Variants in EYA2 observed in about 807,000 individuals in gnomAD.
EYA2 encodes EYA transcriptional coactivator and phosphatase 2, also known as protein phosphatase EYA2.
In EYA2, 31 loss-of-function variants were observed where a neutral mutation model predicts 69.2. That is an observed-to-expected ratio of 0.45 (90% CI 0.34 to 0.60). EYA2 has a LOEUF of 0.60. Among genes scored for constraint, EYA2 ranks in the 20% least tolerant of loss-of-function variants. The pLI, the probability that EYA2 is intolerant of heterozygous loss-of-function variation, is 0.02. For synonymous variants in EYA2, 257 were observed against 279.4 expected (o/e 0.92, Z 0.80); for missense variants, 622 against 701.2 (o/e 0.89, Z 1.28).
intron 1 of EYA2, among the ~76,000 whole-genome samples, chr20:46,949,261 G>A (rs886630029): frequency 5.9e-5 from 9 of 152,198 alleles, no homozygotes; most frequent in African/African-American, 2.2e-4. Flanking sequence ...TTCATAAGAT[G>A]ATACAAAACA....
At chr20:47,075,059 C>T (rs1246516918) in intron 7 of EYA2, among the ~76,000 whole-genome samples, 3 of 152,162 alleles carry the variant, frequency 2.0e-5, no homozygotes, top group African/African-American at 4.8e-5. Context: ...TGCAGTGAGC[C>T]GAGATCGCGC....
rs1284214870 is a variant in EYA2, at chr20:47,003,748, G to C, written c.156-1194G>C. ...ACAACTGACCTTGACTTTATTTATT[G>C]CTATCTGCAGGGCTGGATGAATCCT... is the stretch of plus-strand genomic sequence containing the variant. On this transcript the variant is annotated intron_variant, in intron 3 of 15. Coordinates refer to ENST00000327619, the MANE Select transcript of EYA2 (RefSeq NM_005244.5). Among the ~76,000 whole-genome samples, 8 of 152,278 alleles carry C rather than the reference G, an allele frequency of 5.3e-5. No homozygotes were observed. In the East Asian group the frequency reaches 1.5e-3, roughly 29 times the overall value.
intron 5 of EYA2, among the ~76,000 whole-genome samples, chr20:47,064,052 C>T (rs569455821): frequency 6.6e-6 from 1 of 152,172 alleles, no homozygotes; most frequent in African/African-American, 2.4e-5. Flanking sequence ...ACTTCCCAGG[C>T]TCAGATGATA....
Position 47,130,261 on chromosome 20 carries a change from C to CTT in EYA2, c.889-12778_889-12777dup, listed in dbSNP as rs74178703. 5.5e-4 allele frequency among the ~76,000 whole-genome samples: 45 copies of CTT among 81,248 alleles called. 1 individual carries two copies. Among genetic ancestry groups the CTT allele is most frequent in the Admixed American group, 9.3e-4 (6 of 6,460 alleles). The allele number at this position is 81,248 out of a possible 152,430, so 53.3% of individuals were successfully genotyped here. A position where few individuals can be genotyped will look rare whatever the true frequency, so the allele number is the denominator to read the frequency against. ...AAAGAAATAAAAGAAGGTTTATTTT[C>CTT]TTTTTTTTTTTTTTTTTTTTTGAGA... On this transcript the variant is annotated intron_variant, in intron 9 of 15. Transcript: ENST00000327619.
chr20:47,089,119 G>A, intron 7 of EYA2, 120 bp from the exon 8 acceptor site: 2 of 1,172,830 alleles, frequency 1.7e-6, no homozygotes, highest in South Asian at 1.6e-5. Context: ...CGAGATCTTT[G>A]CCTCTGGTGC....
chr20:47,019,272 C>T (rs563338035), intron 5 of EYA2, among the ~76,000 whole-genome samples: 216 of 152,320 alleles, frequency 1.4e-3, no homozygotes, highest in Non-Finnish European at 1.6e-3. Context: ...TTCTTATCCT[C>T]CTCACAGCCC....
intron 9 of EYA2, among the ~76,000 whole-genome samples, chr20:47,134,959 C>G (rs957815988): frequency 6.6e-6 from 1 of 151,974 alleles, no homozygotes; most frequent in Admixed American, 6.6e-5. Flanking sequence ...AACCCCGTCT[C>G]TACTAAAAAT....
At chr20:46,924,009 AAG>A (rs1345352853) in intron 1 of EYA2, among the ~76,000 whole-genome samples, 1 of 152,160 alleles carries the variant, frequency 6.6e-6, no homozygotes, top group East Asian at 1.9e-4. Flanking sequence ...TTGTATAACA[AAG>A]AGAGTCATCA....
rs1984000521 is a variant in EYA2 at position 46,899,766 on chromosome 20, A to T, written c.-11+4779A>T. Among the ~76,000 whole-genome samples the T allele has an allele frequency of 3.3e-5, 5 of 152,358 alleles. No homozygotes were observed. In the South Asian group the frequency reaches 1.0e-3, roughly 32 times the overall value. Reference sequence around the variant, plus strand: ...ATCTGGAACCAGCAGGCTGCGGGTCAGTGGGGGCTGAGAGACTCGTCTTTG... The same window carrying T: ...ATCTGGAACCAGCAGGCTGCGGGTCTGTGGGGGCTGAGAGACTCGTCTTTG... On this transcript the variant is annotated intron_variant, in intron 1 of 15. Transcript: ENST00000327619.
At chr20:46,989,514 G>C (rs181142171) in intron 1 of EYA2, among the ~76,000 whole-genome samples, 1 of 152,126 alleles carries the variant, frequency 6.6e-6, no homozygotes, top group African/African-American at 2.4e-5. Context: ...TGATCCACCC[G>C]CCTCAGCGTC....
intron 5 of EYA2, among the ~76,000 whole-genome samples, chr20:47,034,367 A>G (rs1355784399): frequency 6.6e-6 from 1 of 152,226 alleles, no homozygotes. Flanking sequence ...AAGCTGATAT[A>G]AGGGAAATAT....
chr20:46,958,377 G>A (rs1733627142), intron 1 of EYA2, among the ~76,000 whole-genome samples: 1 of 152,116 alleles, frequency 6.6e-6, no homozygotes, highest in African/African-American at 2.4e-5. Context: ...GACTTAGGCA[G>A]GGAGACAAAA....
At position 47,109,775 on chromosome 20, in the gene EYA2, AGG is replaced by A. The variant is rs1439994563; in HGVS notation, c.888+12610_888+12611del. ...TTAACCAGAGGAAGTTTTGGCCCCCAGGGGACATTTGACATTCCCCATTTTTG... is the reference window on the plus strand; with the variant it reads ...TTAACCAGAGGAAGTTTTGGCCCCCAGGACATTTGACATTCCCCATTTTTG... On this transcript the variant is annotated intron_variant, in intron 9 of 15. Coordinates refer to ENST00000327619, the MANE Select transcript of EYA2 (RefSeq NM_005244.5). Among the ~76,000 whole-genome samples, 12 of 152,168 alleles carry A rather than the reference AGG, an allele frequency of 7.9e-5. No individual in the cohort carries two copies. In the East Asian group the frequency reaches 1.7e-3, roughly 22 times the overall value.
chr20:47,033,489 A>G (rs1984532925), intron 5 of EYA2, among the ~76,000 whole-genome samples: 1 of 152,206 alleles, frequency 6.6e-6, no homozygotes, highest in Non-Finnish European at 1.5e-5. Context: ...AACTCCTGAT[A>G]TGAGTTGGTC....
At chr20:47,054,720 C>T (rs2030520208) in intron 5 of EYA2, among the ~76,000 whole-genome samples, 1 of 152,168 alleles carries the variant, frequency 6.6e-6, no homozygotes, top group Non-Finnish European at 1.5e-5. Flanking sequence ...ATGTGTGACT[C>T]CGGGACTCAC....
intron 2 of EYA2, 140 bp downstream of exon 2, chr20:46,990,259 C>T (rs116921778): frequency 9.8e-6 from 5 of 508,944 alleles, no homozygotes; most frequent in East Asian, 5.8e-5. Context: ...AAATGCTTGC[C>T]TCTGAACCAA....
chr20:46,988,728 G>T (rs1487807562), intron 1 of EYA2, among the ~76,000 whole-genome samples: 2 of 152,230 alleles, frequency 1.3e-5, no homozygotes, highest in East Asian at 1.9e-4. Flanking sequence ...TTGAGACAGG[G>T]TCTCACTCTG....
chr20:47,016,316 C>A lies in EYA2; in HGVS notation c.415+19C>A. ...ATGCACGGTCAGTGTGGCGCTGTGG[C>A]CCCTTCCTGCCCATCTCTAAGGACC... On this transcript the variant is annotated intron_variant, in intron 5 of 15. Coordinates refer to ENST00000327619, the MANE Select transcript of EYA2 (RefSeq NM_005244.5). 6.3e-7 allele frequency: 1 copy of A among 1,581,462 alleles called. No individual in the cohort carries two copies. The highest frequency in any genetic ancestry group is 8.7e-7 in the Non-Finnish European group (1 of 1,150,146).
chr20:47,007,830 G>A (rs1378876139), intron 4 of EYA2, among the ~76,000 whole-genome samples: 1 of 151,830 alleles, frequency 6.6e-6, no homozygotes, highest in Non-Finnish European at 1.5e-5. Flanking sequence ...GTCTCACTTT[G>A]TTGCCCAGGC....
Sources: gnomAD v4.1 joint callset for allele counts (sites outside exome capture counted in the v4.1 genomes callset) on GRCh38, gnomAD v4.1.1 for gene constraint, MANE v1.5 for transcripts, NCBI Gene and HGNC (gene_info 2026-07-23, HGNC 2026-07-21) for gene names.